The following ANKS1B variants were observed in gnomAD, a reference collection of about 807,000 sequenced individuals.
The protein encoded by ANKS1B is ankyrin repeat and sterile alpha motif domain containing 1B.
A neutral mutation model predicts 148.3 loss-of-function variants in ANKS1B; 36 were observed. That is an observed-to-expected ratio of 0.24 (90% CI 0.19 to 0.32). ANKS1B has a LOEUF of 0.32. Among genes scored for constraint, ANKS1B ranks in the 10% least tolerant of loss-of-function variants. The pLI, the probability that ANKS1B is intolerant of heterozygous loss-of-function variation, is 1.00. For synonymous variants in ANKS1B, 542 were observed against 560.8 expected (o/e 0.97, Z 0.47); for missense variants, 1,157 against 1,542.6 (o/e 0.75, Z 4.19).
chr12:99,115,192 T>C (rs960948078), intron 15 of ANKS1B, among the ~76,000 whole-genome samples: 2 of 152,162 alleles, frequency 1.3e-5, no homozygotes, highest in Non-Finnish European at 2.9e-5. Context: ...TGCAGCAGTA[T>C]TCACAATAGC....
chr12:99,352,051 G>A (rs1592896135), intron 12 of ANKS1B: 1 of 152,084 alleles, frequency 6.6e-6, no homozygotes, highest in East Asian at 1.9e-4. Flanking sequence ...CACATTTTCT[G>A]AAGACTTTGC....
intron 25 of ANKS1B, among the ~76,000 whole-genome samples, chr12:98,767,622 C>T (rs139819540): frequency 8.5e-5 from 13 of 152,308 alleles, no homozygotes; most frequent in African/African-American, 2.9e-4. Context: ...AAAGCCATGG[C>T]TTTTAATGCT....
intron 7 of ANKS1B, among the ~76,000 whole-genome samples, chr12:99,775,245 G>T (rs545376111): frequency 6.6e-6 from 1 of 152,076 alleles, no homozygotes; most frequent in South Asian, 2.1e-4. Context: ...ATATCAAGTT[G>T]CACACTGTAA....
intron 14 of ANKS1B, among the ~76,000 whole-genome samples, chr12:99,220,038 C>T (rs1209595509): frequency 7.9e-5 from 12 of 152,274 alleles, no homozygotes; most frequent in East Asian, 3.9e-4. Context: ...CTTGCTCTGT[C>T]GCCCAGGTTG....
At chr12:99,306,419 T>C (rs1459835495) in intron 12 of ANKS1B, among the ~76,000 whole-genome samples, 1 of 152,018 alleles carries the variant, frequency 6.6e-6, no homozygotes, top group Non-Finnish European at 1.5e-5. Flanking sequence ...AGAAAGTGTT[T>C]TCTTGTGTGT....
intron 12 of ANKS1B, among the ~76,000 whole-genome samples, chr12:99,323,737 G>C (rs1253396865): frequency 1.3e-5 from 2 of 152,128 alleles, no homozygotes; most frequent in Non-Finnish European, 2.9e-5. Context: ...CAGAGAAAAA[G>C]GGAACTCTGA....
intron 10 of ANKS1B, among the ~76,000 whole-genome samples, chr12:99,491,294 G>A (rs1760740390): frequency 6.9e-6 from 1 of 144,812 alleles, no homozygotes; most frequent in Non-Finnish European, 1.5e-5. Flanking sequence ...GACAGAGCAA[G>A]GCTCCATCTC....
intron 9 of ANKS1B, among the ~76,000 whole-genome samples, chr12:99,637,719 C>T (rs894233410): frequency 6.6e-6 from 1 of 151,702 alleles, no homozygotes; most frequent in Non-Finnish European, 1.5e-5. Flanking sequence ...GGATTCCTTG[C>T]TCCTCAGCTT....
intron 8 of ANKS1B, among the ~76,000 whole-genome samples, chr12:99,689,486 C>A (rs2098667622): frequency 6.6e-6 from 1 of 152,210 alleles, no homozygotes; most frequent in African/African-American, 2.4e-5. Context: ...TCAGCTCAAT[C>A]TGTGAATAAT....
chr12:99,976,054 G>A lies in ANKS1B; in HGVS notation c.134+8050C>T, dbSNP rs117814793. Among the ~76,000 whole-genome samples, 268 of 152,306 alleles carry A rather than the reference G, an allele frequency of 1.8e-3. 5 individuals carry two copies. The East Asian group carries it at 0.038, about 22-fold the overall frequency. On this transcript the variant is annotated intron_variant, in intron 1 of 26. Coordinates refer to ENST00000683438, the MANE Select transcript of ANKS1B (RefSeq NM_001352186.2). ...AATCCATGTCCTCTGCAGCAACATG[G>A]ATGGAGCTGGAGGCCATAATCCTAA...
intron 8 of ANKS1B, among the ~76,000 whole-genome samples, chr12:99,659,813 G>A (rs537073017): frequency 4.3e-4 from 65 of 152,168 alleles, no homozygotes; most frequent in African/African-American, 1.5e-3. Flanking sequence ...AATGTTACTC[G>A]ATTTGCAAGA....
chr12:98,738,822 G>A (rs1411387089), intron 9 of ANKS1B, among the ~76,000 whole-genome samples: 1 of 152,184 alleles, frequency 6.6e-6, no homozygotes, highest in Non-Finnish European at 1.5e-5. Context: ...TTACGTGATG[G>A]TTTTGGAGAT....
chr12:99,120,159 T>C (rs114792919), intron 15 of ANKS1B, among the ~76,000 whole-genome samples: 1,565 of 152,308 alleles, frequency 0.01, 28 homozygotes, highest in African/African-American at 0.036. Context: ...TGGGACCATG[T>C]AGACTTGCCA....
At chr12:99,452,468 G>A (rs2095759715) in intron 10 of ANKS1B, among the ~76,000 whole-genome samples, 1 of 152,082 alleles carries the variant, frequency 6.6e-6, no homozygotes, top group Non-Finnish European at 1.5e-5. Context: ...TCTAACACCA[G>A]GGCAGTCCTT....
chr12:99,204,433 G>T (rs2082401132), intron 14 of ANKS1B, among the ~76,000 whole-genome samples: 1 of 152,176 alleles, frequency 6.6e-6, no homozygotes. Flanking sequence ...AAATTAATGG[G>T]TCTTGGAGGC....
At chr12:98,788,365 G>C (rs774989386) in intron 22 of ANKS1B, among the ~76,000 whole-genome samples, 1 of 152,092 alleles carries the variant, frequency 6.6e-6, no homozygotes, top group Non-Finnish European at 1.5e-5. Flanking sequence ...GCATTAAGAA[G>C]AAAAGCCTTC....
At chr12:99,888,018 CT>C (rs1270589231) in intron 1 of ANKS1B, among the ~76,000 whole-genome samples, 4 of 152,182 alleles carry the variant, frequency 2.6e-5, no homozygotes, top group African/African-American at 9.7e-5. Context: ...TATCTGCTCC[CT>C]TCAGAATTCA....
At chr12:99,068,310 G>A (rs754576405) in intron 16 of ANKS1B, among the ~76,000 whole-genome samples, 5 of 152,058 alleles carry the variant, frequency 3.3e-5, no homozygotes, top group East Asian at 1.9e-4. Flanking sequence ...GTGTACTTAC[G>A]CAAACCTAGA....
chr12:99,589,314 CT>C (rs2153233496), intron 9 of ANKS1B, among the ~76,000 whole-genome samples: 1 of 152,326 alleles, frequency 6.6e-6, no homozygotes, highest in South Asian at 2.1e-4. Context: ...GTTTATCTCT[CT>C]TTTCCTCAGA....
Sources: gnomAD v4.1 joint callset for allele counts (sites outside exome capture counted in the v4.1 genomes callset) on GRCh38, gnomAD v4.1.1 for gene constraint, MANE v1.5 for transcripts, NCBI Gene and HGNC (gene_info 2026-07-23, HGNC 2026-07-21) for gene names.